The following CTNNA1 variants were observed in gnomAD, a reference collection of about 807,000 sequenced individuals.
CTNNA1 encodes the protein catenin alpha-1.
CTNNA1 carries 37 observed loss-of-function variants against 98.4 expected under a neutral mutation model. The ratio of observed to expected loss-of-function variants is 0.38; its 90% CI spans 0.29 to 0.49. The LOEUF is 0.49. Among genes scored for constraint, CTNNA1 ranks in the 20% least tolerant of loss-of-function variants. The probability of loss-of-function intolerance (pLI) is 0.95; values close to 1 mark genes in which losing one functional copy is unlikely to be tolerated. For missense variants in CTNNA1, 761 were observed against 1,147.2 expected, an observed-to-expected ratio of 0.66 and a Z score of 4.86; for synonymous variants, 404 against 413.2, an observed-to-expected ratio of 0.98 and a Z score of 0.27.
chr5:138,795,879 C>A (rs563737181), intron 3 of CTNNA1, among the ~76,000 whole-genome samples: 10 of 152,144 alleles, frequency 6.6e-5, no homozygotes, highest in African/African-American at 1.9e-4. Flanking sequence ...TGAAAACTTA[C>A]AATTTTGTAT....
At position 138,873,880 on chromosome 5, in the gene CTNNA1, C is replaced by T. The variant is rs758734380; in HGVS notation, c.1063-12332C>T. 3.8e-5 allele frequency: 62 copies of T among 1,613,840 alleles called. No homozygotes were observed. The highest frequency in any genetic ancestry group is 2.2e-5 in the East Asian group (1 of 44,902). ...AGAAGAGCGTGTGCAGACTGCTTAG[C>T]CGTAGGAAATGAGCAAAATTAATCT... On this transcript the variant is annotated intron_variant, in intron 7 of 17. Transcript: ENST00000302763. The surrounding 1 kb of genome is among the most constrained non-coding windows in gnomAD (Gnocchi z 6.1).
At position 138,837,084 on chromosome 5, in the gene CTNNA1, C is replaced by T. The variant is rs554184162; in HGVS notation, c.1062+9366C>T. ...ACATTAATATGTTGATTCGTCCTTT[C>T]GAGGTAATGATTCATTCAGGACTAG... On this transcript the variant is annotated intron_variant, in intron 7 of 17. Transcript: ENST00000302763. 9.9e-5 allele frequency among the ~76,000 whole-genome samples: 15 copies of T among 152,126 alleles called. No homozygotes were observed. In the South Asian group the frequency reaches 2.5e-3, roughly 25 times the overall value.
chr5:138,796,719 A>G (rs2149693552), intron 3 of CTNNA1, among the ~76,000 whole-genome samples: 1 of 152,334 alleles, frequency 6.6e-6, no homozygotes, highest in African/African-American at 2.4e-5. Context: ...GAAATGAGTA[A>G]TTTGAACATG....
intron 4 of CTNNA1, among the ~76,000 whole-genome samples, chr5:138,810,531 C>CT (rs1758572492): frequency 6.6e-6 from 1 of 152,030 alleles, no homozygotes; most frequent in Non-Finnish European, 1.5e-5. Flanking sequence ...AAATTTTGTA[C>CT]TTTTATTTAT....
intron 7 of CTNNA1, among the ~76,000 whole-genome samples, chr5:138,834,161 T>C (rs928436328): frequency 2.6e-4 from 40 of 152,218 alleles, no homozygotes; most frequent in African/African-American, 9.4e-4. Context: ...CTCTTTAGCA[T>C]AGCCAGAGCT....
chr5:138,926,980 G>A (rs539668135), intron 13 of CTNNA1, among the ~76,000 whole-genome samples: 41 of 152,124 alleles, frequency 2.7e-4, no homozygotes, highest in Non-Finnish European at 4.4e-4. Context: ...CCCAGACCTC[G>A]AATCTTTTAT....
chr5:138,877,536 T>C (rs1302775391), intron 7 of CTNNA1, among the ~76,000 whole-genome samples: 1 of 151,246 alleles, frequency 6.6e-6, no homozygotes, highest in African/African-American at 2.4e-5. Context: ...CAAGCTCCGC[T>C]TCCCGGGTTC....
chr5:138,829,428 C>G (rs1761046171), intron 7 of CTNNA1, among the ~76,000 whole-genome samples: 1 of 152,178 alleles, frequency 6.6e-6, no homozygotes, highest in Admixed American at 6.5e-5. Context: ...GAGGAAATCA[C>G]TTCAAAAACA....
chr5:138,855,180 A>G (rs1468372007), intron 7 of CTNNA1, among the ~76,000 whole-genome samples: 1 of 152,210 alleles, frequency 6.6e-6, no homozygotes, highest in Non-Finnish European at 1.5e-5. Flanking sequence ...CTGGGACTGC[A>G]GGTGCCTGCC....
chr5:138,755,693 C>A (rs1321604874), intron 1 of CTNNA1, among the ~76,000 whole-genome samples: 1 of 152,068 alleles, frequency 6.6e-6, no homozygotes, highest in Non-Finnish European at 1.5e-5. Context: ...GTCTCCTGAC[C>A]CACATGGTCA....
chr5:138,865,513 G>A (rs976438101), intron 7 of CTNNA1, among the ~76,000 whole-genome samples: 20 of 152,128 alleles, frequency 1.3e-4, no homozygotes, highest in African/African-American at 4.6e-4. Context: ...TTTTTCCAGC[G>A]AAACCAATGT....
At chr5:138,907,740 G>A (rs1580721404) in intron 10 of CTNNA1, among the ~76,000 whole-genome samples, 1 of 152,214 alleles carries the variant, frequency 6.6e-6, no homozygotes, top group South Asian at 2.1e-4. Flanking sequence ...ATTTTAAAGT[G>A]TGTGTTTCTT....
intron 7 of CTNNA1, chr5:138,880,419 A>G (rs1752635654): frequency 6.6e-6 from 1 of 152,568 alleles, no homozygotes; most frequent in Non-Finnish European, 1.5e-5. Flanking sequence ...GATTACAGGC[A>G]TAAGCCACCA....
chr5:138,919,056 A>G (rs1162552960), intron 11 of CTNNA1, among the ~76,000 whole-genome samples: 2 of 152,176 alleles, frequency 1.3e-5, no homozygotes, highest in Non-Finnish European at 2.9e-5. Flanking sequence ...GTAAACTGCA[A>G]AAAGTAGGGG....
At position 138,932,884 on chromosome 5, in the gene CTNNA1, G is replaced by A. The variant is rs534401695; in HGVS notation, c.2433+172G>A. The A allele has an allele frequency of 9.1e-6, 8 of 877,342 alleles. No homozygotes were observed. The East Asian group carries it at 1.9e-4, about 21-fold the overall frequency. 54.3% of individuals were successfully genotyped at this position (877,342 alleles called of 1,614,324 possible). ...AAGGTCTGTCCATCATCTGTTCCCT[G>A]TAGAACTGTGACACCTGCGGGGCAC... On this transcript the variant is annotated intron_variant, in intron 17 of 17. Transcript: ENST00000302763.
At chr5:138,925,572 C>A (rs1763839225) in intron 13 of CTNNA1, 165 bp downstream of exon 13, 21 of 1,105,814 alleles carry the variant, frequency 1.9e-5, no homozygotes, top group Non-Finnish European at 2.6e-5. Context: ...TCTAAAATGA[C>A]TGTTAGTTGC....
intron 9 of CTNNA1, among the ~76,000 whole-genome samples, chr5:138,893,914 G>A (rs939012183): frequency 8.0e-5 from 12 of 149,502 alleles, no homozygotes; most frequent in African/African-American, 2.5e-4. Context: ...GAGCCACCGC[G>A]CCTGGCCTAT....
intron 16 of CTNNA1, chr5:138,931,515 GAC>G: frequency 1.2e-6 from 1 of 836,154 alleles, no homozygotes; most frequent in South Asian, 5.5e-5. Flanking sequence ...GGATGTGTGA[GAC>G]ACAAGCCTCC....
At chr5:138,875,295 T>C (rs1751236937) in intron 7 of CTNNA1, 3 of 609,138 alleles carry the variant, frequency 4.9e-6, no homozygotes, top group South Asian at 1.3e-4. Context: ...GCAGCATGAG[T>C]GCATTTACTG....
Sources: gnomAD v4.1 joint callset for allele counts (sites outside exome capture counted in the v4.1 genomes callset) on GRCh38, gnomAD v4.1.1 for gene constraint, Gnocchi (gnomAD v3.1) non-coding constraint, MANE v1.5 for transcripts, NCBI Gene and HGNC (gene_info 2026-07-23, HGNC 2026-07-21) for gene names.